The following ARHGAP6 variants were observed in gnomAD, a reference collection of about 807,000 sequenced individuals.
ARHGAP6 encodes rho GTPase-activating protein 6.
In ARHGAP6, 16 loss-of-function variants were observed where a neutral mutation model predicts 55.7. The ratio of observed to expected loss-of-function variants is 0.29; its 90% CI spans 0.19 to 0.44. The LOEUF is 0.44. Among genes scored for constraint, ARHGAP6 ranks in the 20% least tolerant of loss-of-function variants. The probability of loss-of-function intolerance (pLI) is 1.00; values close to 1 mark genes in which losing one functional copy is unlikely to be tolerated. For missense variants in ARHGAP6, 698 were observed against 808.9 expected, an observed-to-expected ratio of 0.86 and a Z score of 1.66; for synonymous variants, 382 against 360.9, an observed-to-expected ratio of 1.06 and a Z score of -0.66.
chrX:11,457,357 C>A (rs962220159), intron 1 of ARHGAP6, among the ~76,000 whole-genome samples: 2 of 111,361 alleles, frequency 1.8e-5, no homozygotes, highest in African/African-American at 3.3e-5. Context: ...TACAGGACAT[C>A]ATCTCTGAGC....
chrX:11,181,885 A>G (rs376071019), intron 6 of ARHGAP6, among the ~76,000 whole-genome samples, 178 bp downstream of exon 6: 6 of 110,748 alleles, frequency 5.4e-5, no homozygotes, highest in African/African-American at 2.0e-4. Flanking sequence ...CCTAACTGTA[A>G]CAACATTTCT....
intron 1 of ARHGAP6, among the ~76,000 whole-genome samples, chrX:11,332,814 G>A (rs754917595): frequency 8.9e-6 from 1 of 112,078 alleles, no homozygotes; most frequent in Non-Finnish European, 1.9e-5. Flanking sequence ...GTATGTGTGT[G>A]TATTTAGTTA....
intron 1 of ARHGAP6, among the ~76,000 whole-genome samples, chrX:11,508,852 T>TACACACACACACAC (rs199575300): frequency 1.3e-4 from 13 of 101,994 alleles, no homozygotes; most frequent in African/African-American, 4.3e-4. Context: ...CAACTCATAC[T>TACACACACACACAC]ACACACACAC....
At chrX:11,178,913 C>A (rs1018042516) in intron 7 of ARHGAP6, among the ~76,000 whole-genome samples, 4 of 111,703 alleles carry the variant, frequency 3.6e-5, no homozygotes, top group African/African-American at 1.3e-4. Context: ...CTTGCTTCTC[C>A]TGGAATGTTG....
Position 11,138,613 on chromosome X carries a change from T to G in ARHGAP6, c.*250A>C. On this transcript the variant is annotated 3_prime_UTR_variant, in exon 13 of 13. Coordinates refer to ENST00000337414, the MANE Select transcript of ARHGAP6 (RefSeq NM_013427.3). Reference sequence around the variant, plus strand: ...TATATTATAGAGCCAAGAGGGACGTTTTTAGATTGGACATTGCCATCTGGT... The same window carrying G: ...TATATTATAGAGCCAAGAGGGACGTGTTTAGATTGGACATTGCCATCTGGT... 2 of 410,027 alleles carry G rather than the reference T, an allele frequency of 4.9e-6. No individual in the cohort carries two copies. 33.8% of individuals were successfully genotyped at this position (410,027 alleles called of 1,213,427 possible).
At chrX:11,295,071 C>A (rs1172627211) in intron 1 of ARHGAP6, among the ~76,000 whole-genome samples, 1 of 111,982 alleles carries the variant, frequency 8.9e-6, no homozygotes, top group Non-Finnish European at 1.9e-5. Flanking sequence ...CAGGACTCTG[C>A]ATTTTTATAA....
intron 2 of ARHGAP6, among the ~76,000 whole-genome samples, 156 bp from the exon 3 acceptor site, chrX:11,197,152 C>T (rs1256658644): frequency 8.9e-6 from 1 of 112,005 alleles, no homozygotes; most frequent in African/African-American, 3.2e-5. Flanking sequence ...ACATGAAAAT[C>T]CTGACTTGGA....
chrX:11,411,567 G>A (rs1041446738), intron 1 of ARHGAP6, among the ~76,000 whole-genome samples: 5 of 109,543 alleles, frequency 4.6e-5, no homozygotes, highest in Non-Finnish European at 7.6e-5. Context: ...TAGTTCAGTG[G>A]GATGTTTATG....
chrX:11,383,210 C>T (rs922885977), intron 1 of ARHGAP6, among the ~76,000 whole-genome samples: 18 of 111,070 alleles, frequency 1.6e-4, no homozygotes, highest in Non-Finnish European at 2.8e-4. Flanking sequence ...AGTGGGAGTT[C>T]CACAAATAAA....
intron 1 of ARHGAP6, among the ~76,000 whole-genome samples, chrX:11,581,133 A>G (rs960780168): frequency 2.7e-5 from 3 of 112,568 alleles, no homozygotes; most frequent in African/African-American, 9.7e-5. Context: ...TTGAATAGAT[A>G]TTTTCCCAAA....
In ARHGAP6 at chrX:11,144,203, C is replaced by A. The variant is rs1304390546; in HGVS notation, c.1953G>T (p.Gly651=). The A allele has an allele frequency of 3.3e-6, 4 of 1,209,838 alleles. No individual in the cohort carries two copies. Among genetic ancestry groups the A allele is most frequent in the Non-Finnish European group, 4.5e-6 (4 of 895,027 alleles). ...TGTTGGAGTCTGTAGATGAATGCCT[C>A]CCTCCCACGGAAAAGGAAACTTCCG... ...LQSEVSFSVG[G]RHSSTDSNKA... The change falls in exon 11 of 13, where the codon GGG becomes GGT. Residue 651 remains glycine (G), a synonymous_variant. Transcript: ENST00000337414.
chrX:11,475,927 T>C (rs952380139), intron 1 of ARHGAP6, among the ~76,000 whole-genome samples: 1 of 110,788 alleles, frequency 9.0e-6, no homozygotes, highest in African/African-American at 3.3e-5. Context: ...AAAGACGTGA[T>C]CGAGAAATTC....
At chrX:11,295,358 A>C (rs936722649) in intron 1 of ARHGAP6, among the ~76,000 whole-genome samples, 1 of 111,457 alleles carries the variant, frequency 9.0e-6, no homozygotes, top group African/African-American at 3.3e-5. Flanking sequence ...CTGTTCTCAG[A>C]GGCCCCACCC....
At chrX:11,436,264 T>G (rs1029964097) in intron 1 of ARHGAP6, among the ~76,000 whole-genome samples, 1 of 112,697 alleles carries the variant, frequency 8.9e-6, no homozygotes, top group Non-Finnish European at 1.9e-5. Flanking sequence ...TTATAACAGA[T>G]AATATGACAA....
chrX:11,388,317 T>C (rs1418184414), intron 1 of ARHGAP6, among the ~76,000 whole-genome samples: 3 of 112,171 alleles, frequency 2.7e-5, no homozygotes, highest in Non-Finnish European at 5.6e-5. Context: ...ATGATGAGCA[T>C]TTTTTCATGT....
At chrX:11,346,276 G>T (rs12850174) in intron 1 of ARHGAP6, among the ~76,000 whole-genome samples, 3,643 of 111,553 alleles carry the variant, frequency 0.033, 61 homozygotes, top group Non-Finnish European at 0.047. Flanking sequence ...ATTTAACACA[G>T]CCCAGTCCAT....
intron 1 of ARHGAP6, chrX:11,299,033 G>A: frequency 8.7e-7 from 1 of 1,152,193 alleles, no homozygotes; most frequent in South Asian, 1.9e-5. Context: ...AGCAAAATAG[G>A]CCCCAGAGTT....
intron 1 of ARHGAP6, among the ~76,000 whole-genome samples, chrX:11,363,547 T>G: frequency 8.9e-6 from 1 of 112,086 alleles, no homozygotes; most frequent in Admixed American, 9.5e-5. Flanking sequence ...CATATGATTC[T>G]CAGCAATGTA....
chrX:11,328,793 G>A (rs1354307280), intron 1 of ARHGAP6, among the ~76,000 whole-genome samples: 3 of 112,034 alleles, frequency 2.7e-5, no homozygotes, highest in African/African-American at 9.7e-5. Flanking sequence ...TGAGTGTGGA[G>A]ATATCTTCGT....
Sources: allele counts gnomAD v4.1 joint callset (sites outside exome capture counted in the v4.1 genomes callset), GRCh38; gene constraint gnomAD v4.1.1; transcripts MANE v1.5; gene names NCBI Gene and HGNC (gene_info 2026-07-23, HGNC 2026-07-21).